COBL: variants seen among roughly 807,000 people sequenced by gnomAD.
The protein encoded by COBL is cordon-bleu WH2 repeat protein, also known as protein cordon-bleu.
Under a neutral mutation model 98.8 loss-of-function variants are expected in COBL, and 51 were observed. The observed-to-expected ratio is 0.52, with a 90% CI of 0.41 to 0.65. COBL has a LOEUF of 0.65. COBL is among the 30% of genes least tolerant of loss of function. The probability of loss-of-function intolerance (pLI) is 0.00; values close to 1 mark genes in which losing one functional copy is unlikely to be tolerated. For synonymous variants in COBL, 634 were observed against 651.7 expected, an observed-to-expected ratio of 0.97 and a Z score of 0.41; for missense variants, 1,617 against 1,617.5, an observed-to-expected ratio of 1.00 and a Z score of 0.01.
intron 1 of COBL, among the ~76,000 whole-genome samples, chr7:51,230,692 C>A (rs561264347): frequency 6.6e-6 from 1 of 152,254 alleles, no homozygotes; most frequent in African/African-American, 2.4e-5. Flanking sequence ...CTTCCTAATG[C>A]AAACACGTTA....
intron 7 of COBL, among the ~76,000 whole-genome samples, chr7:51,047,115 C>T (rs1365576094): frequency 6.6e-6 from 1 of 152,234 alleles, no homozygotes; most frequent in Non-Finnish European, 1.5e-5. Context: ...AATTAATGCA[C>T]TGGCAACTTT....
intron 1 of COBL, among the ~76,000 whole-genome samples, chr7:51,274,007 C>A (rs1366780415): frequency 1.3e-5 from 2 of 152,130 alleles, no homozygotes; most frequent in African/African-American, 2.4e-5. Context: ...CTGGGCTCTC[C>A]TCCCTTCCCT....
chr7:51,024,251 G>A (rs553127126), intron 12 of COBL, among the ~76,000 whole-genome samples: 25 of 152,222 alleles, frequency 1.6e-4, no homozygotes, highest in Non-Finnish European at 2.9e-4. Flanking sequence ...GGAGCTTGCA[G>A]TGAGCCGAGA....
chr7:51,151,491 G>A (rs568535799), intron 5 of COBL, among the ~76,000 whole-genome samples: 6 of 152,300 alleles, frequency 3.9e-5, no homozygotes, highest in Admixed American at 3.9e-4. Flanking sequence ...CAAGTGACTG[G>A]TGTGGCTAAG....
chr7:51,182,179 G>C (rs1789033773), intron 5 of COBL, among the ~76,000 whole-genome samples: 1 of 151,882 alleles, frequency 6.6e-6, no homozygotes, highest in African/African-American at 2.4e-5. Context: ...GGAGGACAAG[G>C]GTGAACACAG....
intron 6 of COBL, among the ~76,000 whole-genome samples, chr7:51,112,153 A>T (rs978417487): frequency 1.3e-5 from 2 of 152,210 alleles, no homozygotes; most frequent in African/African-American, 4.8e-5. Context: ...TGGTTGCAAA[A>T]GCATAAGAGA....
chr7:51,071,832 CTT>C (rs1792582639), intron 7 of COBL: 1 of 151,824 alleles, frequency 6.6e-6, no homozygotes, highest in Non-Finnish European at 1.5e-5. Context: ...TAAACATTAC[CTT>C]TTCTTGTTTA....
chr7:51,104,260 C>G lies in COBL; in HGVS notation c.958-18956G>C, dbSNP rs186766387. Among the ~76,000 whole-genome samples the G allele has an allele frequency of 7.1e-3, 1,084 of 152,246 alleles. 13 individuals carry two copies. Among genetic ancestry groups the G allele is most frequent in the African/African-American group, 0.025 (1,052 of 41,530 alleles). On this transcript the variant is annotated intron_variant, in intron 6 of 12. Coordinates refer to ENST00000265136, the MANE Select transcript of COBL (RefSeq NM_015198.5). ...TAAATTTTTAAACCTACATTTTAACCTATTAATCTTTTACATGATGATTAT... is the reference window on the plus strand; with the variant it reads ...TAAATTTTTAAACCTACATTTTAACGTATTAATCTTTTACATGATGATTAT...
intron 2 of COBL, among the ~76,000 whole-genome samples, chr7:51,199,040 A>G (rs1258254485): frequency 1.3e-5 from 2 of 152,124 alleles, no homozygotes; most frequent in African/African-American, 2.4e-5. Context: ...GGTGCTTCCA[A>G]AAGTCCCATC....
intron 2 of COBL, among the ~76,000 whole-genome samples, chr7:51,211,833 T>C (rs1261913898): frequency 1.3e-5 from 2 of 152,204 alleles, no homozygotes; most frequent in Non-Finnish European, 2.9e-5. Context: ...GCCATTTTCA[T>C]TGACTACACA....
intron 5 of COBL, among the ~76,000 whole-genome samples, chr7:51,140,182 A>T (rs956294953): frequency 1.3e-5 from 2 of 152,112 alleles, no homozygotes; most frequent in African/African-American, 4.8e-5. Flanking sequence ...AGCAAACAGA[A>T]CCTTCTATCT....
At chr7:51,182,339 T>C (rs1453258935) in intron 5 of COBL, among the ~76,000 whole-genome samples, 1 of 151,722 alleles carries the variant, frequency 6.6e-6, no homozygotes, top group Admixed American at 6.6e-5. Flanking sequence ...TGGAGTGCGC[T>C]AGCATGTTCT....
At chr7:51,218,556 C>T (rs1563052618) in intron 2 of COBL, among the ~76,000 whole-genome samples, 1 of 152,204 alleles carries the variant, frequency 6.6e-6, no homozygotes, top group Admixed American at 6.5e-5. Context: ...TCACTGCAAC[C>T]TCTGTCTCCT....
intron 6 of COBL, among the ~76,000 whole-genome samples, chr7:51,131,382 T>C (rs1798719272): frequency 6.6e-6 from 1 of 152,196 alleles, no homozygotes; most frequent in Non-Finnish European, 1.5e-5. Flanking sequence ...AAACTAAAAT[T>C]AGATAACACA....
chr7:51,236,101 C>T (rs1291571960), intron 1 of COBL, among the ~76,000 whole-genome samples: 3 of 152,148 alleles, frequency 2.0e-5, no homozygotes, highest in Non-Finnish European at 4.4e-5. Flanking sequence ...TAACGCTGAC[C>T]AACACTCAAA....
intron 6 of COBL, among the ~76,000 whole-genome samples, chr7:51,123,936 T>A (rs1176230364): frequency 6.6e-6 from 1 of 152,182 alleles, no homozygotes; most frequent in African/African-American, 2.4e-5. Flanking sequence ...CATCAATGCA[T>A]GATGGCTCCA....
At chr7:51,257,994 A>G (rs903706211) in intron 1 of COBL, among the ~76,000 whole-genome samples, 1 of 152,210 alleles carries the variant, frequency 6.6e-6, no homozygotes, top group Non-Finnish European at 1.5e-5. Flanking sequence ...AACAAGGAAA[A>G]TGTATTATTT....
At chr7:51,257,417 GA>G (rs979302023) in intron 1 of COBL, among the ~76,000 whole-genome samples, 1 of 152,148 alleles carries the variant, frequency 6.6e-6, no homozygotes, top group African/African-American at 2.4e-5. Flanking sequence ...CATATCTAAA[GA>G]AAGTAGAGGA....
intron 7 of COBL, among the ~76,000 whole-genome samples, chr7:51,048,913 C>A (rs1789976768): frequency 6.6e-6 from 1 of 152,168 alleles, no homozygotes; most frequent in Admixed American, 6.5e-5. Context: ...TTATTGCTAG[C>A]ATGAGGCAGG....
Sources: gnomAD v4.1 joint callset for allele counts (sites outside exome capture counted in the v4.1 genomes callset) on GRCh38, gnomAD v4.1.1 for gene constraint, MANE v1.5 for transcripts, NCBI Gene and HGNC (gene_info 2026-07-23, HGNC 2026-07-21) for gene names.